Variants in AGO1 observed in about 807,000 individuals in gnomAD.
AGO1 encodes protein argonaute-1.
AGO1 carries 11 observed loss-of-function variants against 109.2 expected under a neutral mutation model. That is an observed-to-expected ratio of 0.10 (90% CI 0.06 to 0.17). The LOEUF (loss-of-function observed/expected upper bound fraction) is 0.17. Ranked by LOEUF, AGO1 falls within the 10% of genes least tolerant of loss-of-function variation. The probability of loss-of-function intolerance (pLI) is 1.00; values close to 1 mark genes in which losing one functional copy is unlikely to be tolerated. For missense variants in AGO1, 574 were observed against 1,140.3 expected (o/e 0.50, Z 7.15); for synonymous variants, 422 against 418.6 (o/e 1.01, Z -0.10).
rs1645821728 is a variant in AGO1, at chr1:35,920,986, C to T, written c.*1379C>T. ...CTGTGTACCTGATTTGTTCTCTGAC[C>T]TGGCTAGGTAGGGAGGGGGTGGTTA... On this transcript the variant is annotated 3_prime_UTR_variant, in exon 19 of 19. Transcript: ENST00000373204. 6.5e-6 allele frequency: 1 copy of T among 152,686 alleles called. No homozygotes were observed. Among genetic ancestry groups the T allele is most frequent in the Non-Finnish European group, 1.5e-5 (1 of 68,136 alleles). The allele number at this position is 152,686 out of a possible 1,614,324, so 9.5% of individuals were successfully genotyped here. A position where few individuals can be genotyped will look rare whatever the true frequency, so the allele number is the denominator to read the frequency against.
chr1:35,913,222 T>C (rs1645671598), intron 12 of AGO1, among the ~76,000 whole-genome samples: 1 of 151,972 alleles, frequency 6.6e-6, no homozygotes, highest in Non-Finnish European at 1.5e-5. Context: ...GGTTTCACCA[T>C]GTTAACCAGG....
At chr1:35,906,411 G>A (rs1383957947) in intron 11 of AGO1, among the ~76,000 whole-genome samples, 2 of 152,126 alleles carry the variant, frequency 1.3e-5, no homozygotes, top group African/African-American at 4.8e-5. Flanking sequence ...GGGCTTCCTC[G>A]TCTCCTTGCT....
chr1:35,917,482 G>A, intron 15 of AGO1, 111 bp from the exon 16 acceptor site: 1 of 1,291,276 alleles, frequency 7.7e-7, no homozygotes. Flanking sequence ...TATAAAGGGA[G>A]ACTGAGCCAA....
intron 12 of AGO1, among the ~76,000 whole-genome samples, chr1:35,908,534 G>A (rs543964815): frequency 6.6e-6 from 1 of 152,222 alleles, no homozygotes; most frequent in Non-Finnish European, 1.5e-5. Context: ...TATTATGTAT[G>A]GAACACTGTC....
chr1:35,901,654 G>A lies in AGO1; in HGVS notation c.1140+61G>A. On this transcript the variant is annotated intron_variant, in intron 9 of 18. Transcript: ENST00000373204. This position sits in a 1 kb window ranked among gnomAD's most constrained non-coding sequence, Gnocchi z 4.8. ...CCATTGGTAGCATAAATGTTTTAATGCCCCAGCAGGACCTTCCTTCAGGAG... is the reference window on the plus strand; with the variant it reads ...CCATTGGTAGCATAAATGTTTTAATACCCCAGCAGGACCTTCCTTCAGGAG... The A allele has an allele frequency of 1.2e-6, 2 of 1,610,352 alleles. No individual in the cohort carries two copies. The highest frequency in any genetic ancestry group is 1.3e-5 in the African/African-American group (1 of 74,936).
At position 35,888,791 on chromosome 1, in the gene AGO1, A is replaced by G. The variant is rs551625460; in HGVS notation, c.209+181A>G. On this transcript the variant is annotated intron_variant, in intron 2 of 18. Transcript: ENST00000373204. The surrounding 1 kb of genome is among the most constrained non-coding windows in gnomAD (Gnocchi z 4.1). The stretch of plus-strand genomic sequence containing the variant: ...TCCAATTGGACTTCGCTATTGGAAG[A>G]TTATTAGTGGCTTTTGCCAGAGCAA... Among the ~76,000 whole-genome samples, 1 of 152,368 alleles carries G rather than the reference A, an allele frequency of 6.6e-6. No individual in the cohort carries two copies. The highest frequency in any genetic ancestry group is 2.4e-5 in the African/African-American group (1 of 41,594).
At chr1:35,917,495 G>C (rs1273454360) in intron 15 of AGO1, 98 bp from the exon 16 acceptor site, 2 of 1,392,850 alleles carry the variant, frequency 1.4e-6, no homozygotes, top group African/African-American at 2.9e-5. Flanking sequence ...TGAGCCAAAA[G>C]TTATATTACA....
Position 35,906,920 on chromosome 1 carries a change from C to A in AGO1, c.1398-15C>A. On this transcript the variant is annotated splice_polypyrimidine_tract_variant and intron_variant, in intron 11 of 18. Coordinates refer to ENST00000373204, the MANE Select transcript of AGO1 (RefSeq NM_012199.5). Reference sequence around the variant, plus strand: ...TGAGACTCACTGCCTCCTTTGTGACCATGCGTGTGTACAGGAACTTCACAG... The same window carrying A: ...TGAGACTCACTGCCTCCTTTGTGACAATGCGTGTGTACAGGAACTTCACAG... 1 of 1,599,774 alleles carries A rather than the reference C, an allele frequency of 6.3e-7. No homozygotes were observed. Among genetic ancestry groups the A allele is most frequent in the Non-Finnish European group, 8.5e-7 (1 of 1,171,756 alleles).
intron 12 of AGO1, among the ~76,000 whole-genome samples, chr1:35,912,506 C>T (rs1304526354): frequency 6.6e-6 from 1 of 151,984 alleles, no homozygotes; most frequent in East Asian, 1.9e-4. Context: ...ACTGAGATGA[C>T]CAAAAAACTA....
rs1645995834 is a variant in AGO1 at position 35,929,542 on chromosome 1, CCT to C, written c.*9936_*9937del. The C allele has an allele frequency of 6.6e-6, 1 of 152,158 alleles. No homozygotes were observed. Among genetic ancestry groups the C allele is most frequent in the Non-Finnish European group, 1.5e-5 (1 of 68,032 alleles). 9.4% of individuals were successfully genotyped at this position (152,158 alleles called of 1,614,324 possible). A position where few individuals can be genotyped will look rare whatever the true frequency, so the allele number is the denominator to read the frequency against. ...CCCTTGCACAAGAGTTGGTATTTAC[CCT>C]GTCAGATGCTGCTACCAAGATTTGG... On this transcript the variant is annotated 3_prime_UTR_variant, in exon 19 of 19. Transcript: ENST00000373204.
intron 11 of AGO1, among the ~76,000 whole-genome samples, chr1:35,903,231 T>C (rs1348064521): frequency 6.6e-6 from 1 of 151,880 alleles, no homozygotes; most frequent in Non-Finnish European, 1.5e-5. Flanking sequence ...TGATCTCGAT[T>C]TCCTGACCTC....
chr1:35,905,004 G>A lies in AGO1; in HGVS notation c.1398-1931G>A, dbSNP rs114276406. Among the ~76,000 whole-genome samples, 1,015 of 152,130 alleles carry A rather than the reference G, an allele frequency of 6.7e-3. 8 individuals carry two copies. The highest frequency in any genetic ancestry group is 0.023 in the African/African-American group (964 of 41,504). On this transcript the variant is annotated intron_variant, in intron 11 of 18. Coordinates refer to ENST00000373204, the MANE Select transcript of AGO1 (RefSeq NM_012199.5). ...TAGACGCAACCCTCAATTTTTTTCT[G>A]GCTAAAGAGGCCCTATTACTTTAGC...
rs981183724 is a variant in AGO1, at chr1:35,883,541, G to A, written c.25+95G>A. 24 of 1,433,430 alleles carry A rather than the reference G, an allele frequency of 1.7e-5. No individual in the cohort carries two copies. The African/African-American group carries it at 3.4e-4, about 20-fold the overall frequency. 88.8% of individuals were successfully genotyped at this position (1,433,430 alleles called of 1,614,324 possible). The stretch of plus-strand genomic sequence containing the variant: ...TTCCAAGTGATGGAAGCGCTCCTGA[G>A]TGAGGAGAAGGGCTCTCCCACGATG... On this transcript the variant is annotated intron_variant, in intron 1 of 18. Coordinates refer to ENST00000373204, the MANE Select transcript of AGO1 (RefSeq NM_012199.5). The surrounding 1 kb of genome is among the most constrained non-coding windows in gnomAD (Gnocchi z 5.4).
chr1:35,914,561 A>G (rs575549344), intron 14 of AGO1, among the ~76,000 whole-genome samples: 1 of 152,234 alleles, frequency 6.6e-6, no homozygotes, highest in East Asian at 1.9e-4. Context: ...TTTGGGATGT[A>G]GGGGAGGGAC....
chr1:35,899,610 A>T (rs1055848666), intron 8 of AGO1, among the ~76,000 whole-genome samples: 2 of 152,260 alleles, frequency 1.3e-5, no homozygotes, highest in Non-Finnish European at 2.9e-5. Context: ...GAGCAATCTC[A>T]CAAATTTCAA....
At position 35,894,365 on chromosome 1, in the gene AGO1, G is replaced by A. The variant is rs533050841; in HGVS notation, c.835G>A (p.Val279Met). 3.7e-6 allele frequency: 6 copies of A among 1,614,212 alleles called. No individual in the cohort carries two copies. The South Asian group carries it at 4.4e-5, about 12-fold the overall frequency. ...HCGQMKRKYR[V>M]CNVTRRPASH... is the part of the protein sequence containing the mutation. ...TGGACAGATGAAGAGGAAGTACCGC[G>A]TGTGTAATGTTACCCGTCGCCCTGC... The change falls in exon 7 of 19, where the codon GTG becomes ATG. Residue 279 changes from valine to methionine, a missense_variant. Transcript: ENST00000373204.
In AGO1 at chr1:35,883,716, T is replaced by G. The variant is rs931326010; in HGVS notation, c.25+270T>G. Among the ~76,000 whole-genome samples, 5 of 152,150 alleles carry G rather than the reference T, an allele frequency of 3.3e-5. No homozygotes were observed. The highest frequency in any genetic ancestry group is 5.9e-5 in the Non-Finnish European group (4 of 68,026). On this transcript the variant is annotated intron_variant, in intron 1 of 18. Transcript: ENST00000373204. This position sits in a 1 kb window ranked among gnomAD's most constrained non-coding sequence, Gnocchi z 5.4. Reference sequence around the variant, plus strand: ...GAAGGGCCTGCACGCACGGAAGGACTCCCAGACATCCGTGGAGGCCTACGG... The same window carrying G: ...GAAGGGCCTGCACGCACGGAAGGACGCCCAGACATCCGTGGAGGCCTACGG...
At chr1:35,870,962 T>C (rs1191148895) in intron 1 of AGO1, among the ~76,000 whole-genome samples, 3 of 150,908 alleles carry the variant, frequency 2.0e-5, no homozygotes, top group Non-Finnish European at 4.4e-5. Context: ...TATATCACAA[T>C]TCATGTATCT....
chr1:35,894,486 C>A, intron 7 of AGO1, 84 bp downstream of exon 7: 3 of 1,367,672 alleles, frequency 2.2e-6, no homozygotes, highest in South Asian at 1.3e-5. Context: ...CTCCCTCCCC[C>A]ACTGGCCTTG....
Sources: allele counts gnomAD v4.1 joint callset (sites outside exome capture counted in the v4.1 genomes callset), GRCh38; gene constraint gnomAD v4.1.1; non-coding constraint Gnocchi (gnomAD v3.1); transcripts MANE v1.5; gene names NCBI Gene and HGNC (gene_info 2026-07-23, HGNC 2026-07-21).